Variants in CNGB1 observed in about 807,000 individuals in gnomAD.
CNGB1 encodes the protein cyclic nucleotide gated channel subunit beta 1.
CNGB1 carries 126 observed loss-of-function variants against 151.7 expected under a neutral mutation model. The observed-to-expected ratio is 0.83, with a 90% CI of 0.72 to 0.96. The LOEUF is 0.96. Among genes scored for constraint, CNGB1 ranks in the 40% least tolerant of loss-of-function variants. CNGB1 has a pLI of 0.00. For missense variants in CNGB1, 1,698 were observed against 1,627.0 expected, an observed-to-expected ratio of 1.04 and a Z score of -0.75; for synonymous variants, 623 against 635.1, an observed-to-expected ratio of 0.98 and a Z score of 0.29.
chr16:57,911,851 A>G lies in CNGB1; in HGVS notation c.2394T>C (p.Leu798=), dbSNP rs1281041265. 1 of 1,613,768 alleles carries G rather than the reference A, an allele frequency of 6.2e-7. No individual in the cohort carries two copies. Among genetic ancestry groups the G allele is most frequent in the African/African-American group, 1.3e-5 (1 of 74,902 alleles). ...VYRVIRTTAY[L]LYSLHLNSCL... is the part of the protein sequence containing the mutation. ...AGGAATTCAAATGCAGGCTGTAGAG[A>G]AGGTAGGCTGTGGTCCTGATGACCC... Residue 798 remains leucine, a synonymous_variant, in exon 25 of 33, where the codon CTT becomes CTC. Transcript: ENST00000251102.
intron 2 of CNGB1, among the ~76,000 whole-genome samples, chr16:57,964,937 G>A (rs1036248566): frequency 1.3e-5 from 2 of 152,202 alleles, no homozygotes; most frequent in African/African-American, 2.4e-5. Flanking sequence ...CTCATCCTCT[G>A]CCAGTGCTCT....
chr16:57,902,066 TTTGTTGTTG>T (rs370176455), intron 27 of CNGB1, among the ~76,000 whole-genome samples: 1 of 150,774 alleles, frequency 6.6e-6, no homozygotes, highest in Non-Finnish European at 1.5e-5. Context: ...TATTTATGTT[TTTGTTGTTG>T]TTGTTGTTGT....
Position 57,956,699 on chromosome 16 carries a change from T to C in CNGB1, c.874+642A>G, listed in dbSNP as rs546999459. Reference sequence around the variant, plus strand: ...TAGAACCCATCACAGGCCTGGCACATAGTAGGCTGTCCTTAACTATGTATT... The same window carrying C: ...TAGAACCCATCACAGGCCTGGCACACAGTAGGCTGTCCTTAACTATGTATT... On this transcript the variant is annotated intron_variant, in intron 12 of 32. Coordinates refer to ENST00000251102, the MANE Select transcript of CNGB1 (RefSeq NM_001297.5). Among the ~76,000 whole-genome samples, 4 of 152,328 alleles carry C rather than the reference T, an allele frequency of 2.6e-5. No individual in the cohort carries two copies. In the East Asian group the frequency reaches 5.8e-4, roughly 22 times the overall value.
chr16:57,904,611 A>C (rs1960489487), intron 26 of CNGB1, 123 bp downstream of exon 26: 1 of 1,366,620 alleles, frequency 7.3e-7, no homozygotes. Flanking sequence ...CCTGACTCTC[A>C]GTCTAGTGCC....
At chr16:57,953,889 A>G (rs1962022411) in intron 12 of CNGB1, among the ~76,000 whole-genome samples, 1 of 141,504 alleles carries the variant, frequency 7.1e-6, no homozygotes, top group Admixed American at 6.8e-5. Context: ...AGAAAGAAAG[A>G]AAAAAAAAAC....
chr16:57,936,468 C>A (rs1242562343), intron 16 of CNGB1, among the ~76,000 whole-genome samples: 1 of 152,122 alleles, frequency 6.6e-6, no homozygotes, highest in Non-Finnish European at 1.5e-5. Context: ...AACAATGTGC[C>A]TAAAGAAAGG....
chr16:57,923,352 C>T lies in CNGB1; in HGVS notation c.1564G>A (p.Ala522Thr), dbSNP rs1274711177. The T allele has an allele frequency of 6.2e-7, 1 of 1,613,478 alleles. No individual in the cohort carries two copies. The highest frequency in any genetic ancestry group is 8.5e-7 in the Non-Finnish European group (1 of 1,179,804). Reference sequence around the variant, plus strand: ...GGTGACAACGCCTTGAGCTCTTCAGCCTCATCATCCTCAGAGGGCAGCTTC... The same window carrying T: ...GGTGACAACGCCTTGAGCTCTTCAGTCTCATCATCCTCAGAGGGCAGCTTC... ...RKKLPSEDDE[A>T]EELKALSPAE... Residue 522 changes from alanine (A) to threonine (T), a missense_variant, in exon 18 of 33, where the codon GCT becomes ACT. Transcript: ENST00000251102.
chr16:57,958,336 CCT>C, intron 11 of CNGB1, 72 bp downstream of exon 11: 1 of 952,472 alleles, frequency 1.0e-6, no homozygotes, highest in Non-Finnish European at 1.5e-6. Context: ...GGCCAACCAT[CCT>C]CCTCCTTACC....
rs547762527 is a variant in CNGB1, at chr16:57,889,209, C to T, written c.3243-1135G>A. On this transcript the variant is annotated intron_variant, in intron 31 of 32. Coordinates refer to ENST00000251102, the MANE Select transcript of CNGB1 (RefSeq NM_001297.5). Reference sequence around the variant, plus strand: ...ATAGAGACGGGGTCTCCCTATGTTGCTCAGGCTGGTCTTGAACTCCTGGGC... The same window carrying T: ...ATAGAGACGGGGTCTCCCTATGTTGTTCAGGCTGGTCTTGAACTCCTGGGC... 3.0e-4 allele frequency among the ~76,000 whole-genome samples: 45 copies of T among 152,254 alleles called. No homozygotes were observed. In the South Asian group the frequency reaches 9.1e-3, roughly 31 times the overall value.
intron 14 of CNGB1, among the ~76,000 whole-genome samples, chr16:57,942,549 CTA>C (rs1253733256): frequency 2.6e-5 from 4 of 152,102 alleles, no homozygotes; most frequent in Non-Finnish European, 5.9e-5. Flanking sequence ...ATGCTGAAAA[CTA>C]TAAAACATCG....
intron 27 of CNGB1, among the ~76,000 whole-genome samples, chr16:57,903,382 T>C (rs1236755737): frequency 6.6e-6 from 1 of 151,410 alleles, no homozygotes; most frequent in East Asian, 2.0e-4. Context: ...ATCCCAGCTA[T>C]TTGGGAGGCT....
intron 25 of CNGB1, among the ~76,000 whole-genome samples, chr16:57,905,343 C>A (rs545014843): frequency 5.3e-5 from 8 of 149,714 alleles, no homozygotes; most frequent in South Asian, 2.2e-4. Flanking sequence ...CGCCCCTACC[C>A]GGCCCATCCA....
chr16:57,903,676 T>A, intron 27 of CNGB1, 146 bp downstream of exon 27: 1 of 1,035,230 alleles, frequency 9.7e-7, no homozygotes, highest in Non-Finnish European at 1.4e-6. Flanking sequence ...CTCACACCAA[T>A]GTTGGGGACA....
intron 1 of CNGB1, among the ~76,000 whole-genome samples, chr16:57,969,869 T>C (rs1376555826): frequency 6.6e-6 from 1 of 152,180 alleles, no homozygotes; most frequent in East Asian, 1.9e-4. Flanking sequence ...TTGCCCCACA[T>C]GAGTGTGCCC....
At chr16:57,932,480 C>G (rs1762271468) in intron 16 of CNGB1, among the ~76,000 whole-genome samples, 1 of 151,182 alleles carries the variant, frequency 6.6e-6, no homozygotes, top group Non-Finnish European at 1.5e-5. Context: ...TCAGTTCACC[C>G]CAAGCTCCTT....
chr16:57,912,575 TG>T (rs1960749974), intron 24 of CNGB1, among the ~76,000 whole-genome samples: 55 of 148,750 alleles, frequency 3.7e-4, no homozygotes, highest in African/African-American at 1.3e-3. Context: ...TCCTGTGTTG[TG>T]TGTGTGTGTG....
Position 57,960,646 on chromosome 16 carries a change from G to C in CNGB1, c.535-116C>G, listed in dbSNP as rs1277637105. ...CGGGTGAGCCGGGGATGGGGGTGGG[G>C]GGTGTCTCTCCTTCTGAATCCCGGC... On this transcript the variant is annotated intron_variant, in intron 8 of 32. Transcript: ENST00000251102. 6 of 1,397,604 alleles carry C rather than the reference G, an allele frequency of 4.3e-6. No homozygotes were observed. In the African/African-American group the frequency reaches 8.6e-5, roughly 20 times the overall value. The allele number at this position is 1,397,604 out of a possible 1,614,324, so 86.6% of individuals were successfully genotyped here. A position where few individuals can be genotyped will look rare whatever the true frequency, so the allele number is the denominator to read the frequency against.
chr16:57,885,020 T>C (rs1959875151), intron 32 of CNGB1, among the ~76,000 whole-genome samples: 1 of 152,184 alleles, frequency 6.6e-6, no homozygotes, highest in African/African-American at 2.4e-5. Context: ...GCTGACCCCA[T>C]GTGTGGGGAC....
At chr16:57,887,479 G>T (rs1827211078) in intron 32 of CNGB1, among the ~76,000 whole-genome samples, 1 of 151,902 alleles carries the variant, frequency 6.6e-6, no homozygotes. Context: ...TGGGAAAGAG[G>T]TGCTTTCTTT....
Sources: gnomAD v4.1 joint callset for allele counts (sites outside exome capture counted in the v4.1 genomes callset) on GRCh38, gnomAD v4.1.1 for gene constraint, MANE v1.5 for transcripts, NCBI Gene and HGNC (gene_info 2026-07-23, HGNC 2026-07-21) for gene names.